Variants in MAGI1 observed in about 807,000 individuals in gnomAD.
The protein encoded by MAGI1 is membrane-associated guanylate kinase, WW and PDZ domain-containing protein 1.
Under a neutral mutation model 139.9 loss-of-function variants are expected in MAGI1, and 58 were observed. The observed-to-expected ratio is 0.41, with a 90% CI of 0.34 to 0.52. MAGI1 has a LOEUF of 0.52. Ranked by LOEUF, MAGI1 falls within the 20% of genes least tolerant of loss-of-function variation. The pLI, the probability that MAGI1 is intolerant of heterozygous loss-of-function variation, is 0.12. For synonymous variants in MAGI1, 812 were observed against 737.9 expected, an observed-to-expected ratio of 1.10 and a Z score of -1.63; for missense variants, 1,874 against 1,901.6, an observed-to-expected ratio of 0.99 and a Z score of 0.27.
intron 2 of MAGI1, among the ~76,000 whole-genome samples, chr3:65,565,957 A>G (rs1448300479): frequency 1.3e-5 from 2 of 151,924 alleles, no homozygotes; most frequent in African/African-American, 2.4e-5. Context: ...ACAGGCAGAG[A>G]AAAACGTCAT....
Position 65,986,947 on chromosome 3 carries a change from T to C in MAGI1, c.313+51049A>G, listed in dbSNP as rs532691476. Among the ~76,000 whole-genome samples, 3 of 151,586 alleles carry C rather than the reference T, an allele frequency of 2.0e-5. No individual in the cohort carries two copies. In the South Asian group the frequency reaches 6.3e-4, roughly 32 times the overall value. On this transcript the variant is annotated intron_variant, in intron 1 of 22. Coordinates refer to ENST00000402939, the MANE Select transcript of MAGI1 (RefSeq NM_001033057.2). ...GTACAGTGGCATGATCTCAGTTCAC[T>C]GTAACCTCCACTTCCCAGGTTCAAG...
intron 18 of MAGI1, among the ~76,000 whole-genome samples, chr3:65,366,126 G>C (rs1340760475): frequency 1.3e-5 from 2 of 152,058 alleles, no homozygotes; most frequent in Non-Finnish European, 2.9e-5. Flanking sequence ...GTTAAAATGG[G>C]GTGATGACAA....
intron 2 of MAGI1, among the ~76,000 whole-genome samples, chr3:65,521,604 C>T (rs1448839141): frequency 3.3e-5 from 5 of 152,106 alleles, no homozygotes; most frequent in Admixed American, 6.6e-5. Context: ...TGAAAACTCA[C>T]TATTTTAATG....
At chr3:66,011,836 CAAAAA>C (rs74963127) in intron 1 of MAGI1, among the ~76,000 whole-genome samples, 2 of 99,060 alleles carry the variant, frequency 2.0e-5, no homozygotes, top group Non-Finnish European at 4.4e-5. Context: ...TATGCTGAAC[CAAAAA>C]AAAAAAAAAA....
chr3:65,894,933 G>A (rs917113484), intron 1 of MAGI1, among the ~76,000 whole-genome samples: 6 of 152,152 alleles, frequency 3.9e-5, no homozygotes, highest in Admixed American at 1.3e-4. Flanking sequence ...AATGTTTACC[G>A]TTGTCATGGA....
At chr3:65,880,349 C>T (rs533104322) in intron 1 of MAGI1, among the ~76,000 whole-genome samples, 1 of 152,276 alleles carries the variant, frequency 6.6e-6, no homozygotes, top group Non-Finnish European at 1.5e-5. Flanking sequence ...CTGCTGTCAT[C>T]ATCACAGTAG....
chr3:65,842,612 C>T (rs371329070), intron 1 of MAGI1, among the ~76,000 whole-genome samples: 8 of 152,280 alleles, frequency 5.3e-5, no homozygotes, highest in African/African-American at 1.7e-4. Flanking sequence ...CCACCCACCT[C>T]GGCCTCCCAA....
intron 1 of MAGI1, among the ~76,000 whole-genome samples, chr3:66,002,579 G>T (rs758641040): frequency 6.6e-6 from 1 of 151,994 alleles, no homozygotes; most frequent in Non-Finnish European, 1.5e-5. Flanking sequence ...ACAGTGGCGC[G>T]ATCTCGACTC....
At chr3:65,977,690 G>GAT (rs2065336555) in intron 1 of MAGI1, among the ~76,000 whole-genome samples, 1 of 151,728 alleles carries the variant, frequency 6.6e-6, no homozygotes, top group African/African-American at 2.4e-5. Flanking sequence ...CAGCCTGGAT[G>GAT]ATAGAGTGAG....
chr3:65,783,195 G>T (rs910126036), intron 1 of MAGI1, among the ~76,000 whole-genome samples: 3 of 151,752 alleles, frequency 2.0e-5, no homozygotes, highest in African/African-American at 7.2e-5. Context: ...ACAACAAAAA[G>T]AAAGAATAGG....
intron 1 of MAGI1, among the ~76,000 whole-genome samples, chr3:65,755,614 G>A (rs1290378235): frequency 6.6e-6 from 1 of 152,124 alleles, no homozygotes; most frequent in African/African-American, 2.4e-5. Context: ...AGTCTTCTAA[G>A]AAAATGTAAA....
intron 1 of MAGI1, among the ~76,000 whole-genome samples, chr3:65,957,813 A>G (rs10780043): frequency 0.53 from 81,006 of 151,802 alleles, 22,516 homozygotes; most frequent in South Asian, 0.71. Flanking sequence ...TTGTTGCCCA[A>G]GCTGGAGTAC....
chr3:65,905,482 C>A (rs2061401196), intron 1 of MAGI1, among the ~76,000 whole-genome samples: 1 of 149,730 alleles, frequency 6.7e-6, no homozygotes, highest in African/African-American at 2.5e-5. Context: ...CAGAGTAAGA[C>A]CTTGCCTTAA....
intron 9 of MAGI1, among the ~76,000 whole-genome samples, chr3:65,438,574 T>A (rs1208783283): frequency 2.6e-5 from 4 of 152,216 alleles, no homozygotes; most frequent in Non-Finnish European, 4.4e-5. Flanking sequence ...AACATTTCAA[T>A]GGGTGAATGT....
intron 1 of MAGI1, among the ~76,000 whole-genome samples, chr3:65,911,274 A>C (rs1206777188): frequency 6.6e-6 from 1 of 151,878 alleles, no homozygotes; most frequent in Non-Finnish European, 1.5e-5. Flanking sequence ...CATTTTACTC[A>C]AACTGGGACA....
intron 2 of MAGI1, among the ~76,000 whole-genome samples, chr3:65,592,785 G>A (rs7617874): frequency 6.6e-6 from 1 of 151,832 alleles, no homozygotes; most frequent in Non-Finnish European, 1.5e-5. Flanking sequence ...TGCAAGCAAC[G>A]AACCCAACTT....
rs75410565 is a variant in MAGI1 at position 65,442,113 on chromosome 3, G to T, written c.1136+679C>A. On this transcript the variant is annotated intron_variant, in intron 8 of 22. Coordinates refer to ENST00000402939, the MANE Select transcript of MAGI1 (RefSeq NM_001033057.2). ...TTTTTTTCAATGTCCTAACCTTTGGGTTTCTTTTAATATCATCCTATCCAT... is the reference window on the plus strand; with the variant it reads ...TTTTTTTCAATGTCCTAACCTTTGGTTTTCTTTTAATATCATCCTATCCAT... Among the ~76,000 whole-genome samples the T allele has an allele frequency of 6.9e-3, 1,040 of 150,286 alleles. 10 individuals carry two copies. Among genetic ancestry groups the T allele is most frequent in the African/African-American group, 0.024 (987 of 40,832 alleles).
intron 1 of MAGI1, among the ~76,000 whole-genome samples, chr3:65,962,313 G>C (rs899044218): frequency 4.6e-5 from 7 of 151,482 alleles, no homozygotes; most frequent in African/African-American, 1.7e-4. Context: ...AGTAGAGACG[G>C]GGTTTCACCA....
In MAGI1 at chr3:65,462,914, CTGTT is replaced by C. The variant is rs548196321; in HGVS notation, c.959+7365_959+7368del. Among the ~76,000 whole-genome samples the C allele has an allele frequency of 1.0e-3, 156 of 152,244 alleles. 1 individual carries two copies. Among genetic ancestry groups the C allele is most frequent in the Admixed American group, 8.5e-3 (130 of 15,294 alleles). On this transcript the variant is annotated intron_variant, in intron 5 of 22. Transcript: ENST00000402939. ...GGGAGTTCACTCATGATTTGGCTCT[CTGTT>C]TGTCTACTATTGGTGTATAGGAATG...
Sources: allele counts gnomAD v4.1 joint callset (sites outside exome capture counted in the v4.1 genomes callset), GRCh38; gene constraint gnomAD v4.1.1; transcripts MANE v1.5; gene names NCBI Gene and HGNC (gene_info 2026-07-23, HGNC 2026-07-21).